The following USP40 variants were observed in gnomAD, a reference collection of about 807,000 sequenced individuals.
USP40 encodes the protein ubiquitin carboxyl-terminal hydrolase 40.
Under a neutral mutation model 166.2 loss-of-function variants are expected in USP40, and 143 were observed. The ratio of observed to expected loss-of-function variants is 0.86; its 90% CI spans 0.75 to 0.99. USP40 has a LOEUF of 0.99. USP40 is among the 50% of genes least tolerant of loss of function. The probability of loss-of-function intolerance (pLI) is 0.00; values close to 1 mark genes in which losing one functional copy is unlikely to be tolerated. For missense variants in USP40, 1,444 were observed against 1,479.7 expected, an observed-to-expected ratio of 0.98 and a Z score of 0.40; for synonymous variants, 498 against 524.0, an observed-to-expected ratio of 0.95 and a Z score of 0.68.
Position 233,486,885 on chromosome 2 carries a change from G to A in USP40, c.3198-908C>T. On this transcript the variant is annotated intron_variant, in intron 28 of 31. Coordinates refer to ENST00000678225, the MANE Select transcript of USP40 (RefSeq NM_001365479.2). The surrounding 1 kb of genome is among the most constrained non-coding windows in gnomAD (Gnocchi z 4.0). Reference sequence around the variant, plus strand: ...CCCAGCACAGTGCGGCCAGAGGACAGAAAGGGCATCGGCACAGATGCTGAA... The same window carrying A: ...CCCAGCACAGTGCGGCCAGAGGACAAAAAGGGCATCGGCACAGATGCTGAA... Among the ~76,000 whole-genome samples the A allele has an allele frequency of 6.6e-6, 1 of 152,194 alleles. No homozygotes were observed. The highest frequency in any genetic ancestry group is 1.9e-4 in the East Asian group (1 of 5,192).
rs1041868221 is a variant in USP40 at position 233,486,327 on chromosome 2, A to G, written c.3198-350T>C. 3.3e-5 allele frequency among the ~76,000 whole-genome samples: 5 copies of G among 152,212 alleles called. No homozygotes were observed. The highest frequency in any genetic ancestry group is 7.3e-5 in the Non-Finnish European group (5 of 68,044). On this transcript the variant is annotated intron_variant, in intron 28 of 31. Transcript: ENST00000678225. This position sits in a 1 kb window ranked among gnomAD's most constrained non-coding sequence, Gnocchi z 4.0. ...GAGAGGCCTGGCTTGATAGCCCGGC[A>G]GCTGGCAGGAGGAGAGCGGGCTCGA...
chr2:233,510,392 CTTTTTTTTT>C (rs1158427662), intron 20 of USP40, among the ~76,000 whole-genome samples: 146 of 68,686 alleles, frequency 2.1e-3, no homozygotes, highest in African/African-American at 9.5e-3. Flanking sequence ...CTTTTTCTTT[CTTTTTTTTT>C]TTTTTTTTTT....
intron 10 of USP40, 55 bp downstream of exon 10, chr2:233,540,607 G>C (rs1010629778): frequency 9.4e-7 from 1 of 1,068,068 alleles, no homozygotes; most frequent in Non-Finnish European, 1.4e-6. Context: ...ATGTTGTTGC[G>C]ATCATAATGA....
At position 233,476,957 on chromosome 2, in the gene USP40, G is replaced by A. The variant is rs142381180; in HGVS notation, c.*435C>T. On this transcript the variant is annotated 3_prime_UTR_variant, in exon 32 of 32. Coordinates refer to ENST00000678225, the MANE Select transcript of USP40 (RefSeq NM_001365479.2). ...CGGTGGCGCAGTGGCCTGAGACACT[G>A]TGAGAAGCCGGTCAGGGCGAACGAG... The A allele has an allele frequency of 1.2e-4, 35 of 298,918 alleles. No homozygotes were observed. In the East Asian group the frequency reaches 3.3e-3, roughly 28 times the overall value. 18.5% of individuals were successfully genotyped at this position (298,918 alleles called of 1,614,324 possible). A position where few individuals can be genotyped will look rare whatever the true frequency, so the allele number is the denominator to read the frequency against.
Position 233,529,453 on chromosome 2 carries a change from T to C in USP40, c.1531A>G (p.Asn511Asp). The change falls in exon 12 of 32, where the codon AAC becomes GAC. Residue 511 changes from asparagine (N) to aspartate (D), a missense_variant. Coordinates refer to ENST00000678225, the MANE Select transcript of USP40 (RefSeq NM_001365479.2). ...CHLLNEMDAA[N>D]IELQTKRAEC... The stretch of plus-strand genomic sequence containing the variant: ...TACCTTTTGGTTTGCAGTTCAATGT[T>C]AGCTGCATCCATTTCATTCAGTAAA... 2.5e-6 allele frequency: 4 copies of C among 1,578,470 alleles called. No individual in the cohort carries two copies. The highest frequency in any genetic ancestry group is 2.6e-6 in the Non-Finnish European group (3 of 1,159,946).
intron 5 of USP40, among the ~76,000 whole-genome samples, chr2:233,555,910 C>G (rs538146498): frequency 6.6e-6 from 1 of 151,714 alleles, no homozygotes; most frequent in Non-Finnish European, 1.5e-5. Flanking sequence ...GTCAGGAGAT[C>G]GAGACCATCC....
At chr2:233,544,722 C>T (rs574660481) in intron 8 of USP40, among the ~76,000 whole-genome samples, 48 of 152,210 alleles carry the variant, frequency 3.2e-4, no homozygotes, top group South Asian at 2.7e-3. Context: ...TGACAAAATC[C>T]GGCAAAAAGT....
rs368454102 is a variant in USP40 at position 233,527,649 on chromosome 2, A to C, written c.1554-71T>G. On this transcript the variant is annotated intron_variant, in intron 12 of 31. Coordinates refer to ENST00000678225, the MANE Select transcript of USP40 (RefSeq NM_001365479.2). ...GACACTGTGTTTTATCTCAAACCAAAGATATCTGGCTTACAATAAAGTTCT... is the reference window on the plus strand; with the variant it reads ...GACACTGTGTTTTATCTCAAACCAACGATATCTGGCTTACAATAAAGTTCT... 6.0e-6 allele frequency: 8 copies of C among 1,332,122 alleles called. No individual in the cohort carries two copies. In the African/African-American group the frequency reaches 1.2e-4, roughly 20 times the overall value. 82.5% of individuals were successfully genotyped at this position (1,332,122 alleles called of 1,614,324 possible).
In USP40 at chr2:233,486,580, A is replaced by G. The variant is rs1163719314; in HGVS notation, c.3198-603T>C. On this transcript the variant is annotated intron_variant, in intron 28 of 31. Transcript: ENST00000678225. This position sits in a 1 kb window ranked among gnomAD's most constrained non-coding sequence, Gnocchi z 4.0. ...AGAGGTCAGCACAGGCCATGGAGGA[A>G]AAGCTATAGATAAGAACTGGAAGGC... Among the ~76,000 whole-genome samples the G allele has an allele frequency of 6.6e-6, 1 of 152,202 alleles. No homozygotes were observed. Among genetic ancestry groups the G allele is most frequent in the Non-Finnish European group, 1.5e-5 (1 of 68,026 alleles).
chr2:233,503,781 A>C (rs2066234997), intron 21 of USP40, among the ~76,000 whole-genome samples: 1 of 152,212 alleles, frequency 6.6e-6, no homozygotes, highest in African/African-American at 2.4e-5. Context: ...GGAGCACTAC[A>C]ACTGGAAACA....
intron 18 of USP40, among the ~76,000 whole-genome samples, chr2:233,514,024 C>T (rs1004218923): frequency 3.3e-5 from 5 of 152,172 alleles, no homozygotes; most frequent in African/African-American, 9.7e-5. Flanking sequence ...CTCTTGTCGA[C>T]GGAAACAATT....
At chr2:233,535,168 T>C (rs1226065273) in intron 10 of USP40, among the ~76,000 whole-genome samples, 1 of 152,156 alleles carries the variant, frequency 6.6e-6, no homozygotes, top group African/African-American at 2.4e-5. Context: ...GCCCCAATTC[T>C]GTAACAAATC....
At position 233,491,147 on chromosome 2, in the gene USP40, G is replaced by A; in HGVS notation, c.3012+20C>T. On this transcript the variant is annotated intron_variant, in intron 26 of 31. Transcript: ENST00000678225. ...AGAAGCCACATTACCACTAAGTTAT[G>A]GTGCAGGAAGAAGTCTGACCTGAGA... The A allele has an allele frequency of 6.5e-7, 1 of 1,544,486 alleles. No individual in the cohort carries two copies. The highest frequency in any genetic ancestry group is 1.2e-5 in the South Asian group (1 of 86,202).
chr2:233,515,330 T>C (rs2067110789), intron 18 of USP40, among the ~76,000 whole-genome samples: 1 of 152,210 alleles, frequency 6.6e-6, no homozygotes. Flanking sequence ...CATTTTACCT[T>C]CCCATCAGCA....
At chr2:233,478,157 T>G (rs745155) in intron 31 of USP40, among the ~76,000 whole-genome samples, 54,275 of 152,222 alleles carry the variant, frequency 0.36, 10,030 homozygotes, top group African/African-American at 0.47. Flanking sequence ...TGAAGCTGCC[T>G]TGTAATTTTG....
At chr2:233,487,473 T>C (rs1035184421) in intron 28 of USP40, among the ~76,000 whole-genome samples, 1 of 152,222 alleles carries the variant, frequency 6.6e-6, no homozygotes, top group Non-Finnish European at 1.5e-5. Flanking sequence ...CTATTTCTGG[T>C]TGTACAACTT....
chr2:233,565,302 A>C, intron 2 of USP40, 54 bp downstream of exon 2: 1 of 1,301,558 alleles, frequency 7.7e-7, no homozygotes. Flanking sequence ...ATAATTAATT[A>C]CATGTAAAGA....
intron 3 of USP40, among the ~76,000 whole-genome samples, chr2:233,562,344 A>C (rs1314751092): frequency 6.7e-6 from 1 of 149,896 alleles, no homozygotes; most frequent in Admixed American, 6.6e-5. Flanking sequence ...GACTGGATTA[A>C]GAAACTGTGG....
At position 233,493,274 on chromosome 2, in the gene USP40, G is replaced by T; in HGVS notation, c.2917+151C>A. 9.5e-7 allele frequency: 1 copy of T among 1,053,734 alleles called. No homozygotes were observed. Among genetic ancestry groups the T allele is most frequent in the Non-Finnish European group, 1.4e-6 (1 of 717,252 alleles). 65.3% of individuals were successfully genotyped at this position (1,053,734 alleles called of 1,614,324 possible). A position where few individuals can be genotyped will look rare whatever the true frequency, so the allele number is the denominator to read the frequency against. ...AAATGGCACAGTGTTATTATTATGTGATGTCTGGAATGACTTATGAAATTA... is the reference window on the plus strand; with the variant it reads ...AAATGGCACAGTGTTATTATTATGTTATGTCTGGAATGACTTATGAAATTA... On this transcript the variant is annotated intron_variant, in intron 25 of 31. Coordinates refer to ENST00000678225, the MANE Select transcript of USP40 (RefSeq NM_001365479.2). The surrounding 1 kb of genome is among the most constrained non-coding windows in gnomAD (Gnocchi z 4.7).
Sources: gnomAD v4.1 joint callset for allele counts (sites outside exome capture counted in the v4.1 genomes callset) on GRCh38, gnomAD v4.1.1 for gene constraint, Gnocchi (gnomAD v3.1) non-coding constraint, MANE v1.5 for transcripts, NCBI Gene and HGNC (gene_info 2026-07-23, HGNC 2026-07-21) for gene names.